Variants in EIF4G3 observed in about 807,000 individuals in gnomAD.
The protein encoded by EIF4G3 is eIF-4-gamma 3.
In EIF4G3, 34 loss-of-function variants were observed where a neutral mutation model predicts 186.4. The ratio of observed to expected loss-of-function variants is 0.18; its 90% CI spans 0.14 to 0.24. EIF4G3 has a LOEUF of 0.24. Among genes scored for constraint, EIF4G3 ranks in the 10% least tolerant of loss-of-function variants. The probability of loss-of-function intolerance (pLI) is 1.00; values close to 1 mark genes in which losing one functional copy is unlikely to be tolerated. For missense variants in EIF4G3, 1,536 were observed against 1,948.5 expected, an observed-to-expected ratio of 0.79 and a Z score of 3.99; for synonymous variants, 673 against 679.5, an observed-to-expected ratio of 0.99 and a Z score of 0.15.
intron 36 of EIF4G3, among the ~76,000 whole-genome samples, 166 bp from the exon 37 acceptor site, chr1:20,807,666 C>T (rs1440839224): frequency 6.6e-6 from 1 of 150,780 alleles, no homozygotes; most frequent in Non-Finnish European, 1.5e-5. Flanking sequence ...AACAGCCCAA[C>T]AACTTGTTTA....
intron 29 of EIF4G3, among the ~76,000 whole-genome samples, chr1:20,848,852 GC>G (rs1382197079): frequency 7.2e-5 from 11 of 151,738 alleles, no homozygotes; most frequent in Non-Finnish European, 1.6e-4. Flanking sequence ...TTCAAGACCA[GC>G]CTGGCCAAAA....
intron 20 of EIF4G3, among the ~76,000 whole-genome samples, chr1:20,875,747 A>G (rs2080577593): frequency 6.6e-6 from 1 of 152,190 alleles, no homozygotes; most frequent in Non-Finnish European, 1.5e-5. Flanking sequence ...TTCTGTCTCT[A>G]TAAAAAATTT....
At chr1:20,912,311 T>G (rs955507548) in intron 14 of EIF4G3, among the ~76,000 whole-genome samples, 2 of 152,218 alleles carry the variant, frequency 1.3e-5, no homozygotes, top group Non-Finnish European at 2.9e-5. Flanking sequence ...TAAAGCTGTT[T>G]TATTTTCTAC....
chr1:21,094,765 T>A (rs1221306349), intron 2 of EIF4G3, among the ~76,000 whole-genome samples: 4 of 140,896 alleles, frequency 2.8e-5, no homozygotes, highest in Non-Finnish European at 6.1e-5. Context: ...GAACTTAAAG[T>A]ATAATAATAA....
chr1:21,137,212 T>G (rs562854274), intron 2 of EIF4G3, among the ~76,000 whole-genome samples: 2 of 151,328 alleles, frequency 1.3e-5, no homozygotes, highest in Admixed American at 6.6e-5. Flanking sequence ...GGCACAATCA[T>G]AGTTCACTGC....
intron 14 of EIF4G3, among the ~76,000 whole-genome samples, chr1:20,923,741 T>C (rs987320871): frequency 2.8e-4 from 42 of 151,800 alleles, no homozygotes; most frequent in Middle Eastern, 3.4e-3. Context: ...GGAGCTACTA[T>C]GAATAATAAA....
At chr1:21,024,315 C>T (rs377710951) in intron 4 of EIF4G3, among the ~76,000 whole-genome samples, 3 of 152,016 alleles carry the variant, frequency 2.0e-5, no homozygotes, top group South Asian at 2.1e-4. Context: ...CCCCTCTGCC[C>T]GGCCAGCCGC....
chr1:20,960,129 T>C (rs1374053987), intron 12 of EIF4G3, among the ~76,000 whole-genome samples: 1 of 152,190 alleles, frequency 6.6e-6, no homozygotes, highest in Non-Finnish European at 1.5e-5. Context: ...TGCAAAGATG[T>C]GGAACTAATC....
intron 20 of EIF4G3, among the ~76,000 whole-genome samples, chr1:20,870,811 C>A (rs556627202): frequency 5.3e-5 from 8 of 152,318 alleles, no homozygotes; most frequent in Non-Finnish European, 1.2e-4. Flanking sequence ...GGGAGTCTCA[C>A]AGGCCTCTTC....
In EIF4G3 at chr1:20,840,896, C is replaced by T. The variant is rs1191564058; in HGVS notation, c.4021G>A (p.Val1341Ile). ...TGTTTGCTGAGTTTTTCTGACTGTA[C>T]CAGCTGATAGAGTAATTGGCCCATG... ...DHMGQLLYQLVQSEKLSKQDF... is the reference protein window; with the variant it reads ...DHMGQLLYQLIQSEKLSKQDF... The change falls in exon 30 of 37, where the codon GTA becomes ATA. Residue 1341 changes from valine (V) to isoleucine (I), a missense_variant. By Grantham distance (29) the Val-to-Ile change is conservative. Coordinates refer to ENST00000602326, the MANE Select transcript of EIF4G3 (RefSeq NM_001391906.1). 1.2e-6 allele frequency: 2 copies of T among 1,614,094 alleles called. No individual in the cohort carries two copies. Among genetic ancestry groups the T allele is most frequent in the Non-Finnish European group, 8.5e-7 (1 of 1,180,008 alleles).
At chr1:20,901,394 C>G (rs1572438243) in intron 15 of EIF4G3, among the ~76,000 whole-genome samples, 1 of 152,038 alleles carries the variant, frequency 6.6e-6, no homozygotes, top group African/African-American at 2.4e-5. Flanking sequence ...ATTTAATAAT[C>G]TGAGATATCA....
intron 3 of EIF4G3, among the ~76,000 whole-genome samples, chr1:21,059,931 T>C (rs1383496823): frequency 6.6e-6 from 1 of 152,224 alleles, no homozygotes. Context: ...GTGGACCCTA[T>C]GTGAATCCTT....
chr1:20,879,871 TAG>T (rs2081840417), intron 19 of EIF4G3, among the ~76,000 whole-genome samples: 1 of 152,130 alleles, frequency 6.6e-6, no homozygotes, highest in Admixed American at 6.6e-5. Flanking sequence ...TATTTATATT[TAG>T]AGATACGTAA....
chr1:20,927,722 G>C (rs569385723), intron 14 of EIF4G3, among the ~76,000 whole-genome samples: 9 of 152,190 alleles, frequency 5.9e-5, no homozygotes, highest in Non-Finnish European at 8.8e-5. Context: ...TACAAACAAA[G>C]AAACAGCAGA....
intron 3 of EIF4G3, among the ~76,000 whole-genome samples, chr1:21,078,318 A>C (rs2095651905): frequency 6.6e-6 from 1 of 152,192 alleles, no homozygotes; most frequent in Non-Finnish European, 1.5e-5. Context: ...ATGGAAGAGG[A>C]GGTCATGATG....
At chr1:20,928,045 A>T (rs1358470150) in intron 14 of EIF4G3, among the ~76,000 whole-genome samples, 1 of 151,626 alleles carries the variant, frequency 6.6e-6, no homozygotes, top group Non-Finnish European at 1.5e-5. Context: ...TTTTGTAGGG[A>T]CGAAAGGTCT....
Position 20,941,571 on chromosome 1 carries a change from T to C in EIF4G3, c.1583A>G (p.Lys528Arg). The C allele has an allele frequency of 6.2e-7, 1 of 1,614,196 alleles. No homozygotes were observed. The highest frequency in any genetic ancestry group is 2.2e-5 in the East Asian group (1 of 44,886). The change falls in exon 14 of 37, where the codon AAA becomes AGA. Residue 528 changes from lysine to arginine, a missense_variant. This residue lies in a region of EIF4G3 where 560 missense variants were observed against 547.8 expected (regional missense o/e 1.02). Coordinates refer to ENST00000602326, the MANE Select transcript of EIF4G3 (RefSeq NM_001391906.1). ...LSEDAKEIQN[K>R]IEVEADGQTE... ...TTGCCCATCTGCTTCTACCTCTATTTTGTTCTGAATCTCTTTTGCATCTTC... is the reference window on the plus strand; with the variant it reads ...TTGCCCATCTGCTTCTACCTCTATTCTGTTCTGAATCTCTTTTGCATCTTC...
chr1:20,883,868 G>T (rs574618732), intron 19 of EIF4G3, among the ~76,000 whole-genome samples: 1 of 152,196 alleles, frequency 6.6e-6, no homozygotes, highest in African/African-American at 2.4e-5. Flanking sequence ...AAGCTCGAAT[G>T]GAAAGACAAA....
In EIF4G3 at chr1:21,029,437, G is replaced by A. The variant is rs555531970; in HGVS notation, c.-67+21429C>T. Among the ~76,000 whole-genome samples, 13 of 151,810 alleles carry A rather than the reference G, an allele frequency of 8.6e-5. No homozygotes were observed. In the East Asian group the frequency reaches 1.4e-3, roughly 16 times the overall value. Reference sequence around the variant, plus strand: ...GACCTGCTGAGTTAGATTCAGGGACGAGAACTGGGAAGAAAGAGAAATTGA... The same window carrying A: ...GACCTGCTGAGTTAGATTCAGGGACAAGAACTGGGAAGAAAGAGAAATTGA... On this transcript the variant is annotated intron_variant, in intron 4 of 36. Coordinates refer to ENST00000602326, the MANE Select transcript of EIF4G3 (RefSeq NM_001391906.1).
Sources: allele counts gnomAD v4.1 joint callset (sites outside exome capture counted in the v4.1 genomes callset), GRCh38; gene constraint gnomAD v4.1.1; regional missense constraint gnomAD v4.1.1; transcripts MANE v1.5; gene names NCBI Gene and HGNC (gene_info 2026-07-23, HGNC 2026-07-21).